The following PACRGL variants were observed in gnomAD, a reference collection of about 807,000 sequenced individuals.
PACRGL encodes the protein PACRG-like protein.
Under a neutral mutation model 34.5 loss-of-function variants are expected in PACRGL, and 38 were observed. The observed-to-expected ratio is 1.10, with a 90% CI of 0.85 to 1.44. The LOEUF is 1.44. Ranked by LOEUF, PACRGL falls within the 40% of genes most tolerant of loss-of-function variation. PACRGL has a pLI of 0.00. For missense variants in PACRGL, 305 were observed against 281.4 expected (o/e 1.08, Z -0.60); for synonymous variants, 128 against 100.1 (o/e 1.28, Z -1.66).
Position 20,712,929 on chromosome 4 carries a change from CATTT to C in PACRGL, c.501+12_501+15del. 1 of 1,531,992 alleles carries C rather than the reference CATTT, an allele frequency of 6.5e-7. No individual in the cohort carries two copies. Among genetic ancestry groups the C allele is most frequent in the Non-Finnish European group, 8.8e-7 (1 of 1,135,450 alleles). 94.9% of individuals were successfully genotyped at this position (1,531,992 alleles called of 1,614,324 possible). A position where few individuals can be genotyped will look rare whatever the true frequency, so the allele number is the denominator to read the frequency against. ...TGTGCTAAAGGCAGCTCTGGTATGT[CATTT>C]ATTTCATTGTACTTTATATTTGAAA... On this transcript the variant is annotated splice_region_variant and intron_variant, in intron 6 of 8. Coordinates refer to ENST00000503585, the MANE Select transcript of PACRGL (RefSeq NM_001258345.3).
At chr4:20,710,300 G>C (rs1270623012) in intron 5 of PACRGL, among the ~76,000 whole-genome samples, 2 of 152,056 alleles carry the variant, frequency 1.3e-5, no homozygotes, top group Non-Finnish European at 2.9e-5. Context: ...ACTTTTGATA[G>C]CTTCCTTTAT....
At chr4:20,739,010 C>T (rs765522934) in intron 8 of PACRGL, among the ~76,000 whole-genome samples, 1 of 152,170 alleles carries the variant, frequency 6.6e-6, no homozygotes, top group East Asian at 1.9e-4. Flanking sequence ...AGTCCGAGAT[C>T]GAACTGCAAG....
chr4:20,751,831 C>G (rs1578524948), intron 8 of PACRGL, among the ~76,000 whole-genome samples: 1 of 152,276 alleles, frequency 6.6e-6, no homozygotes, highest in Non-Finnish European at 1.5e-5. Context: ...TCCTGTTCTT[C>G]TAAATGTGCC....
At chr4:20,711,328 T>C (rs561061921) in intron 5 of PACRGL, among the ~76,000 whole-genome samples, 5 of 152,320 alleles carry the variant, frequency 3.3e-5, no homozygotes, top group Admixed American at 2.6e-4. Flanking sequence ...TGCTTTTCTT[T>C]CTGTATTGAG....
rs16869915 is a variant in PACRGL at position 20,729,157 on chromosome 4, A to C, written c.*1816A>C. ...TTGTAATATAAATAAACATGCTGTA[A>C]GGAAGTCAGGGGAAAGAGGACAGAT... On this transcript the variant is annotated 3_prime_UTR_variant, in exon 9 of 9. Transcript: ENST00000503585. The C allele has an allele frequency of 0.12, 18,173 of 152,576 alleles. 1,256 individuals are homozygous for C. The highest frequency in any genetic ancestry group is 0.19 in the South Asian group (910 of 4,824). 9.5% of individuals were successfully genotyped at this position (152,576 alleles called of 1,614,324 possible).
downstream of PACRGL, among the ~76,000 whole-genome samples, chr4:20,733,887 C>G (rs1321389876): frequency 1.3e-5 from 2 of 152,136 alleles, no homozygotes; most frequent in African/African-American, 4.8e-5. Flanking sequence ...GGCACACTTG[C>G]ACCTGTGTCT....
chr4:20,735,943 CT>C (rs1243710311), downstream of PACRGL, among the ~76,000 whole-genome samples: 1 of 152,188 alleles, frequency 6.6e-6, no homozygotes, highest in Non-Finnish European at 1.5e-5. Flanking sequence ...CAAAAGTCTT[CT>C]GGGTGAATTT....
Position 20,716,085 on chromosome 4 carries a change from C to T in PACRGL, c.609+2546C>T, listed in dbSNP as rs183025066. 3,770 of 1,518,394 alleles carry T rather than the reference C, an allele frequency of 2.5e-3. 95 individuals are homozygous for T. In the South Asian group the frequency reaches 0.036, roughly 14 times the overall value. The allele number at this position is 1,518,394 out of a possible 1,614,324, so 94.1% of individuals were successfully genotyped here. A position where few individuals can be genotyped will look rare whatever the true frequency, so the allele number is the denominator to read the frequency against. On this transcript the variant is annotated intron_variant, in intron 7 of 8. Coordinates refer to ENST00000503585, the MANE Select transcript of PACRGL (RefSeq NM_001258345.3). The stretch of plus-strand genomic sequence containing the variant: ...TTTTCCTGATATGTATAACTTTAAT[C>T]TTTAATATAAATATTTACTAGGACC...
chr4:20,753,954 A>G (rs377295086), downstream of PACRGL, among the ~76,000 whole-genome samples: 2 of 151,964 alleles, frequency 1.3e-5, no homozygotes, highest in East Asian at 3.9e-4. Flanking sequence ...TGTTTATTAT[A>G]TGCCTAGTGT....
chr4:20,738,181 G>A (rs1247003645), intron 8 of PACRGL, among the ~76,000 whole-genome samples: 1 of 151,846 alleles, frequency 6.6e-6, no homozygotes, highest in Non-Finnish European at 1.5e-5. Context: ...AATATACATT[G>A]CAGAACATAG....
chr4:20,737,626 A>G lies in PACRGL; in HGVS notation c.*56+10229A>G, dbSNP rs73802306. On this transcript the variant is annotated intron_variant, in intron 8 of 8. Transcript: ENST00000507634. ...AGCTTTAGTGAGTGTGAGCTGTTTGAGAGTGAGGAGCCTGGTAGAAGAGGT... is the reference window on the plus strand; with the variant it reads ...AGCTTTAGTGAGTGTGAGCTGTTTGGGAGTGAGGAGCCTGGTAGAAGAGGT... Among the ~76,000 whole-genome samples the G allele has an allele frequency of 5.1e-3, 781 of 152,216 alleles. 8 individuals carry two copies. Among genetic ancestry groups the G allele is most frequent in the African/African-American group, 0.017 (725 of 41,546 alleles).
upstream of PACRGL, among the ~76,000 whole-genome samples, chr4:20,697,966 G>A (rs972970038): frequency 2.6e-5 from 4 of 152,096 alleles, no homozygotes; most frequent in African/African-American, 9.7e-5. Flanking sequence ...AATTTTGGAG[G>A]AACAGAAACA....
chr4:20,708,649 A>G (rs1236482429), intron 4 of PACRGL, among the ~76,000 whole-genome samples: 1 of 152,136 alleles, frequency 6.6e-6, no homozygotes, highest in Non-Finnish European at 1.5e-5. Context: ...TAAAAACAAT[A>G]TTAGAGAGAC....
At chr4:20,748,916 A>G (rs913596917) in intron 8 of PACRGL, among the ~76,000 whole-genome samples, 2 of 147,104 alleles carry the variant, frequency 1.4e-5, no homozygotes, top group Non-Finnish European at 3.0e-5. Context: ...ATATATATAT[A>G]TGAAATACAT....
downstream of PACRGL, among the ~76,000 whole-genome samples, chr4:20,755,995 G>A (rs972515785): frequency 6.6e-6 from 1 of 152,086 alleles, no homozygotes; most frequent in African/African-American, 2.4e-5. Context: ...CTATGGAATG[G>A]TATGGTTTCG....
intron 8 of PACRGL, among the ~76,000 whole-genome samples, chr4:20,740,059 A>T (rs1750686508): frequency 6.6e-6 from 1 of 152,140 alleles, no homozygotes; most frequent in African/African-American, 2.4e-5. Context: ...GAGTTAAACA[A>T]AGCCTCCAGG....
chr4:20,734,588 A>G (rs1578424471), downstream of PACRGL: 3 of 925,454 alleles, frequency 3.2e-6, no homozygotes, highest in East Asian at 8.4e-5. Context: ...AGAAATGAAA[A>G]TGGTCCAAAT....
In PACRGL at chr4:20,722,750, GAGGAC is replaced by G. The variant is rs149467048; in HGVS notation, c.610-2056_610-2052del. On this transcript the variant is annotated intron_variant, in intron 7 of 8. Coordinates refer to ENST00000503585, the MANE Select transcript of PACRGL (RefSeq NM_001258345.3). ...ATGTTGACAAGGATACCCTATCCAG[GAGGAC>G]ATTCCAAGAGCTTAGAGGTTATCAT... Among the ~76,000 whole-genome samples the G allele has an allele frequency of 4.1e-3, 632 of 152,292 alleles. 9 individuals are homozygous for G. The highest frequency in any genetic ancestry group is 0.014 in the African/African-American group (598 of 41,566).
At chr4:20,708,606 C>T (rs1358780005) in intron 4 of PACRGL, among the ~76,000 whole-genome samples, 1 of 151,694 alleles carries the variant, frequency 6.6e-6, no homozygotes, top group Non-Finnish European at 1.5e-5. Flanking sequence ...TTCTCTACTC[C>T]CCACCCCTCC....
Sources: allele counts gnomAD v4.1 joint callset (sites outside exome capture counted in the v4.1 genomes callset), GRCh38; gene constraint gnomAD v4.1.1; transcripts MANE v1.5; gene names NCBI Gene and HGNC (gene_info 2026-07-23, HGNC 2026-07-21).